PTBP3: variants seen among roughly 807,000 people sequenced by gnomAD.
PTBP3 encodes the protein polypyrimidine tract-binding protein 3.
PTBP3 carries 20 observed loss-of-function variants against 58.7 expected under a neutral mutation model. The ratio of observed to expected loss-of-function variants is 0.34; its 90% confidence interval spans 0.24 to 0.50. The LOEUF (loss-of-function observed/expected upper bound fraction) is 0.50. Among genes scored for constraint, PTBP3 ranks in the 20% least tolerant of loss-of-function variants. The pLI, the probability that PTBP3 is intolerant of heterozygous loss-of-function variation, is 0.98. For synonymous variants in PTBP3, 185 were observed against 219.8 expected (o/e 0.84, Z 1.40); for missense variants, 509 against 637.2 (o/e 0.80, Z 2.17).
At chr9:112,312,571 G>T (rs1829534799) in intron 1 of PTBP3, among the ~76,000 whole-genome samples, 1 of 83,228 alleles carries the variant, frequency 1.2e-5, no homozygotes, top group Non-Finnish European at 2.3e-5. Context: ...AGGGGAAATG[G>T]TAAGACAATC....
chr9:112,316,710 C>T (rs531134144), intron 1 of PTBP3, among the ~76,000 whole-genome samples: 16 of 151,850 alleles, frequency 1.1e-4, no homozygotes, highest in Admixed American at 3.9e-4. Context: ...GAGGCCGAGG[C>T]GGGTGGATCA....
chr9:112,308,775 G>T (rs967207976), intron 1 of PTBP3, among the ~76,000 whole-genome samples: 1 of 152,032 alleles, frequency 6.6e-6, no homozygotes, highest in African/African-American at 2.4e-5. Flanking sequence ...TTTCTAAGGA[G>T]ACTGTCCTTA....
In PTBP3 at chr9:112,221,190, C is replaced by T; in HGVS notation, c.*2661G>A. Reference sequence around the variant, plus strand: ...CAAATCTTAATTTGGTTAATTTTGTCAATAAATTAAAATGTATGTAATGTG... The same window carrying T: ...CAAATCTTAATTTGGTTAATTTTGTTAATAAATTAAAATGTATGTAATGTG... On this transcript the variant is annotated 3_prime_UTR_variant, in exon 14 of 14. Transcript: ENST00000374257. The T allele has an allele frequency of 2.0e-6, 2 of 985,038 alleles. No individual in the cohort carries two copies. The highest frequency in any genetic ancestry group is 1.2e-6 in the Non-Finnish European group (1 of 829,342). The allele number at this position is 985,038 out of a possible 1,614,324, so 61.0% of individuals were successfully genotyped here. A position where few individuals can be genotyped will look rare whatever the true frequency, so the allele number is the denominator to read the frequency against.
chr9:112,305,758 G>A (rs1197671224), intron 1 of PTBP3, among the ~76,000 whole-genome samples: 9 of 152,196 alleles, frequency 5.9e-5, no homozygotes, highest in African/African-American at 2.2e-4. Flanking sequence ...GGCTGACACG[G>A]TGTAACCCCG....
chr9:112,349,653 G>A, the PTBP3 span, among the ~76,000 whole-genome samples: 1 of 151,912 alleles, frequency 6.6e-6, no homozygotes, highest in East Asian at 1.9e-4. Context: ...GAGGTCAGGA[G>A]TTCAGGACCA....
chr9:112,330,997 C>A (rs572762712), intron 1 of PTBP3, among the ~76,000 whole-genome samples: 5 of 151,328 alleles, frequency 3.3e-5, no homozygotes, highest in Non-Finnish European at 7.4e-5. Context: ...TTTCAGACAT[C>A]AAAATTTTCA....
At chr9:112,362,185 G>A in the PTBP3 span, among the ~76,000 whole-genome samples, 1 of 152,120 alleles carries the variant, frequency 6.6e-6, no homozygotes, top group Non-Finnish European at 1.5e-5. Context: ...CAAAAAGTAT[G>A]AGTCTGTAGT....
At chr9:112,287,707 T>G (rs1828206197) in intron 2 of PTBP3, among the ~76,000 whole-genome samples, 1 of 152,214 alleles carries the variant, frequency 6.6e-6, no homozygotes, top group Admixed American at 6.5e-5. Flanking sequence ...TGTTTTCTTT[T>G]GTAGAATACA....
At position 112,222,644 on chromosome 9, in the gene PTBP3, C is replaced by T; in HGVS notation, c.*1207G>A. On this transcript the variant is annotated 3_prime_UTR_variant, in exon 14 of 14. Transcript: ENST00000374257. Reference sequence around the variant, plus strand: ...ACCAAAAATTTGATAAAAACTATTACTTATTGAAAACCACTTAAAATTGCA... The same window carrying T: ...ACCAAAAATTTGATAAAAACTATTATTTATTGAAAACCACTTAAAATTGCA... 2.0e-6 allele frequency: 2 copies of T among 985,466 alleles called. No individual in the cohort carries two copies. The highest frequency in any genetic ancestry group is 2.4e-6 in the Non-Finnish European group (2 of 829,864). 61.0% of individuals were successfully genotyped at this position (985,466 alleles called of 1,614,324 possible).
At chr9:112,327,202 G>GCC (rs1159002248) in intron 1 of PTBP3, among the ~76,000 whole-genome samples, 3 of 149,600 alleles carry the variant, frequency 2.0e-5, no homozygotes, top group Non-Finnish European at 4.4e-5. Context: ...GGTAGAGCCT[G>GCC]CCTTCAAAGA....
At chr9:112,275,001 TG>T (rs1300676339) in intron 3 of PTBP3, among the ~76,000 whole-genome samples, 9 of 152,252 alleles carry the variant, frequency 5.9e-5, no homozygotes, top group Admixed American at 3.9e-4. Context: ...AAAAACCAAC[TG>T]TTCTGTCTTG....
chr9:112,242,422 T>G (rs1044275177), intron 7 of PTBP3: 1 of 132,406 alleles, frequency 7.6e-6, no homozygotes, highest in Non-Finnish European at 1.6e-5. Context: ...ATTTACAATA[T>G]GTAAATTATT....
the PTBP3 span, among the ~76,000 whole-genome samples, chr9:112,379,174 C>T: frequency 6.6e-6 from 1 of 152,114 alleles, no homozygotes; most frequent in Non-Finnish European, 1.5e-5. Flanking sequence ...TGGGCGACAG[C>T]GAGACTCCGT....
intron 2 of PTBP3, among the ~76,000 whole-genome samples, chr9:112,288,399 T>A (rs1349823998): frequency 6.6e-6 from 1 of 152,218 alleles, no homozygotes; most frequent in Non-Finnish European, 1.5e-5. Context: ...AAGCACTTTT[T>A]CTACACAGGC....
the PTBP3 span, among the ~76,000 whole-genome samples, chr9:112,342,478 AGGCCGAAGTG>A: frequency 6.6e-6 from 1 of 152,216 alleles, no homozygotes; most frequent in Non-Finnish European, 1.5e-5. Context: ...ACACTTTGGG[AGGCCGAAGTG>A]GGCGGATCAC....
In PTBP3 at chr9:112,300,579, C is replaced by T. The variant is rs1415697510; in HGVS notation, c.-51-2663G>A. Among the ~76,000 whole-genome samples, 5 of 152,012 alleles carry T rather than the reference C, an allele frequency of 3.3e-5. No individual in the cohort carries two copies. In the East Asian group the frequency reaches 5.8e-4, roughly 18 times the overall value. On this transcript the variant is annotated intron_variant, in intron 1 of 13. Transcript: ENST00000374257. ...CATCCTGGCTAACATGGTGAAACCC[C>T]GTCTCTACTAAAAATACAAAAAATC...
At chr9:112,298,428 A>C in intron 1 of PTBP3, 2 of 318,378 alleles carry the variant, frequency 6.3e-6, no homozygotes, top group Non-Finnish European at 1.2e-5. Flanking sequence ...ACAATTGTTT[A>C]AGTAATTTAC....
chr9:112,377,892 T>C, the PTBP3 span, among the ~76,000 whole-genome samples: 1 of 152,378 alleles, frequency 6.6e-6, no homozygotes, highest in Admixed American at 6.5e-5. Flanking sequence ...TAGTTACATC[T>C]GCCAGGTTCC....
intron 5 of PTBP3, among the ~76,000 whole-genome samples, chr9:112,257,512 A>G (rs957271923): frequency 5.3e-5 from 8 of 152,218 alleles, no homozygotes; most frequent in Non-Finnish European, 1.2e-4. Flanking sequence ...GTGTATTTTA[A>G]TATTTTCAGA....
Sources: allele counts gnomAD v4.1 joint callset (sites outside exome capture counted in the v4.1 genomes callset), GRCh38; gene constraint gnomAD v4.1.1; transcripts MANE v1.5; gene names NCBI Gene and HGNC (gene_info 2026-07-23, HGNC 2026-07-21).